HOOK3: variants seen among roughly 807,000 people sequenced by gnomAD.
HOOK3 encodes hook microtubule tethering protein 3, also known as protein Hook homolog 3.
In HOOK3, 24 loss-of-function variants were observed where a neutral mutation model predicts 116.3. The ratio of observed to expected loss-of-function variants is 0.21; its 90% confidence interval spans 0.15 to 0.29. The LOEUF is 0.29. Ranked by LOEUF, HOOK3 falls within the 10% of genes least tolerant of loss-of-function variation. The pLI is 1.00. For missense variants in HOOK3, 632 were observed against 830.2 expected (o/e 0.76, Z 2.93); for synonymous variants, 275 against 283.0 (o/e 0.97, Z 0.28).
chr8:42,938,648 G>T (rs1020900042), intron 4 of HOOK3, among the ~76,000 whole-genome samples: 6 of 152,070 alleles, frequency 3.9e-5, no homozygotes, highest in African/African-American at 1.4e-4. Context: ...TCCTTCACTT[G>T]TGAAGCTTAG....
At chr8:42,919,240 G>C (rs1807598816) in intron 2 of HOOK3, among the ~76,000 whole-genome samples, 1 of 150,862 alleles carries the variant, frequency 6.6e-6, no homozygotes, top group African/African-American at 2.4e-5. Context: ...GCGGCTTCCG[G>C]GCAGAGGGGC....
At position 42,896,996 on chromosome 8, in the gene HOOK3, G is replaced by C; in HGVS notation, c.-136G>C. 1 of 538,634 alleles carries C rather than the reference G, an allele frequency of 1.9e-6. No homozygotes were observed. 33.4% of individuals were successfully genotyped at this position (538,634 alleles called of 1,614,324 possible). On this transcript the variant is annotated 5_prime_UTR_variant, in exon 1 of 22. Coordinates refer to ENST00000307602, the MANE Select transcript of HOOK3 (RefSeq NM_032410.4). ...ACGGTGCGGAGCCGCTGCCAGCGCT[G>C]GGCGAGAGTCGGCGGCCGGATCCGA...
chr8:43,007,986 G>C, intron 18 of HOOK3, 57 bp downstream of exon 18: 1 of 736,636 alleles, frequency 1.4e-6, no homozygotes, highest in East Asian at 2.7e-5. Context: ...CTGCCATAGT[G>C]ATAGTGAGTT....
intron 2 of HOOK3, among the ~76,000 whole-genome samples, chr8:42,917,251 A>C (rs933836272): frequency 6.6e-6 from 1 of 152,184 alleles, no homozygotes; most frequent in Non-Finnish European, 1.5e-5. Flanking sequence ...CATGCATCTC[A>C]CTGAGCGCGT....
intron 6 of HOOK3, among the ~76,000 whole-genome samples, chr8:42,952,340 G>A (rs539583262): frequency 6.6e-6 from 1 of 152,342 alleles, no homozygotes; most frequent in African/African-American, 2.4e-5. Context: ...TGAGGTCAGG[G>A]AAGGTCCCAA....
rs190633336 is a variant in HOOK3 at position 43,024,639 on chromosome 8, G to A, written c.*6141G>A. The A allele has an allele frequency of 3.1e-4, 58 of 185,670 alleles. No individual in the cohort carries two copies. The highest frequency in any genetic ancestry group is 7.7e-4 in the African/African-American group (33 of 42,822). The allele number at this position is 185,670 out of a possible 1,614,324, so 11.5% of individuals were successfully genotyped here. On this transcript the variant is annotated 3_prime_UTR_variant, in exon 22 of 22. Transcript: ENST00000307602. The stretch of plus-strand genomic sequence containing the variant: ...GAAGGCTATTCTCAATGTATCTGTC[G>A]TCTAATTTTTTATTTTCTATCTATA...
chr8:42,951,350 C>T (rs1215717793), intron 6 of HOOK3, among the ~76,000 whole-genome samples: 7 of 152,170 alleles, frequency 4.6e-5, no homozygotes, highest in Middle Eastern at 3.4e-3. Flanking sequence ...GCGTGAGCCA[C>T]GGCGCCCGGC....
Position 42,990,514 on chromosome 8 carries a change from A to G in HOOK3, c.1532+3719A>G, listed in dbSNP as rs921286931. On this transcript the variant is annotated intron_variant, in intron 15 of 21. Transcript: ENST00000307602. ...CCACCATGGCTAGCTAATTTTTTCT[A>G]TTTTTTTGTAGAGATGGGGTTTCGC... 1.1e-4 allele frequency among the ~76,000 whole-genome samples: 17 copies of G among 149,512 alleles called. No homozygotes were observed. In the South Asian group the frequency reaches 1.7e-3, roughly 15 times the overall value.
chr8:43,027,452 C>T lies in HOOK3; in HGVS notation c.*8954C>T. On this transcript the variant is annotated 3_prime_UTR_variant, in exon 22 of 22. Coordinates refer to ENST00000307602, the MANE Select transcript of HOOK3 (RefSeq NM_032410.4). Reference sequence around the variant, plus strand: ...AGATGAGAGACATGCTTTTAAAGTACAAAACGTTTCTCTTCTACCTTACCC... The same window carrying T: ...AGATGAGAGACATGCTTTTAAAGTATAAAACGTTTCTCTTCTACCTTACCC... The T allele has an allele frequency of 2.1e-6, 1 of 478,390 alleles. No individual in the cohort carries two copies. Among genetic ancestry groups the T allele is most frequent in the Non-Finnish European group, 4.1e-6 (1 of 244,080 alleles). The allele number at this position is 478,390 out of a possible 1,614,324, so 29.6% of individuals were successfully genotyped here.
At chr8:42,997,670 C>A in intron 16 of HOOK3, 33 bp downstream of exon 16, 1 of 1,108,470 alleles carries the variant, frequency 9.0e-7, no homozygotes, top group Non-Finnish European at 1.4e-6. Flanking sequence ...GATGGTCCAT[C>A]AGTTTCACAA....
chr8:43,015,459 G>A (rs1221061449), intron 21 of HOOK3, among the ~76,000 whole-genome samples: 1 of 151,756 alleles, frequency 6.6e-6, no homozygotes, highest in Non-Finnish European at 1.5e-5. Flanking sequence ...GGAGGTGGAG[G>A]TTGCAGTGAG....
At chr8:42,986,883 A>G (rs991343032) in intron 15 of HOOK3, 88 bp downstream of exon 15, 1 of 1,390,530 alleles carries the variant, frequency 7.2e-7, no homozygotes, top group Non-Finnish European at 1.0e-6. Flanking sequence ...CTGGCAGGGC[A>G]TGGTGGCTCA....
chr8:42,902,618 G>A (rs1322376081), intron 1 of HOOK3, among the ~76,000 whole-genome samples: 1 of 152,104 alleles, frequency 6.6e-6, no homozygotes, highest in Non-Finnish European at 1.5e-5. Context: ...CTACACACCA[G>A]GTTTGGGACC....
chr8:42,978,410 A>ATTTT (rs780491369), intron 13 of HOOK3, among the ~76,000 whole-genome samples: 1 of 121,014 alleles, frequency 8.3e-6, no homozygotes, highest in Non-Finnish European at 1.8e-5. Context: ...TGCCTGGCTA[A>ATTTT]TTTTTTTTTT....
At chr8:42,944,869 A>G (rs1264034920) in intron 5 of HOOK3, among the ~76,000 whole-genome samples, 3 of 152,152 alleles carry the variant, frequency 2.0e-5, no homozygotes, top group Non-Finnish European at 2.9e-5. Flanking sequence ...CTGCTAGAAA[A>G]ATTTCTCGCT....
chr8:43,002,972 A>AT (rs897250392), intron 17 of HOOK3, among the ~76,000 whole-genome samples: 12 of 152,034 alleles, frequency 7.9e-5, no homozygotes, highest in African/African-American at 2.2e-4. Context: ...ATATTCACAT[A>AT]TTTTTTTTCA....
rs59033055 is a variant in HOOK3, at chr8:42,990,325, C to CTTTTTTTTTTTTTTTT, written c.1532+3552_1532+3567dup. Among the ~76,000 whole-genome samples the CTTTTTTTTTTTTTTTT allele has an allele frequency of 1.3e-4, 5 of 37,902 alleles. 1 individual carries two copies. The highest frequency in any genetic ancestry group is 1.8e-4 in the African/African-American group (2 of 11,374). The allele number at this position is 37,902 out of a possible 152,430, so 24.9% of individuals were successfully genotyped here. On this transcript the variant is annotated intron_variant, in intron 15 of 21. Coordinates refer to ENST00000307602, the MANE Select transcript of HOOK3 (RefSeq NM_032410.4). The stretch of plus-strand genomic sequence containing the variant: ...TTGAGAAATAAATATCTGTTTAGAT[C>CTTTTTTTTTTTTTTTT]TTTTTTTTTTTTTTTTTTTTTTTTT...
At chr8:42,988,056 C>A (rs1046642531) in intron 15 of HOOK3, among the ~76,000 whole-genome samples, 1 of 152,094 alleles carries the variant, frequency 6.6e-6, no homozygotes, top group African/African-American at 2.4e-5. Flanking sequence ...TATAGCTTTA[C>A]ATTTTAAAGC....
intron 15 of HOOK3, among the ~76,000 whole-genome samples, chr8:42,995,646 G>A (rs906648837): frequency 6.6e-6 from 1 of 152,088 alleles, no homozygotes; most frequent in Non-Finnish European, 1.5e-5. Context: ...TTCAACTCAG[G>A]CTTCTCTCTG....
Sources: allele counts gnomAD v4.1 joint callset (sites outside exome capture counted in the v4.1 genomes callset), GRCh38; gene constraint gnomAD v4.1.1; transcripts MANE v1.5; gene names NCBI Gene and HGNC (gene_info 2026-07-23, HGNC 2026-07-21).